The following KMT2C variants were observed in gnomAD, a reference collection of about 807,000 sequenced individuals.
The protein encoded by KMT2C is lysine methyltransferase 2C, also known as histone-lysine N-methyltransferase 2C.
In KMT2C, 88 loss-of-function variants were observed where a neutral mutation model predicts 507.9. The observed-to-expected ratio is 0.17, with a 90% CI of 0.15 to 0.21. The LOEUF (loss-of-function observed/expected upper bound fraction) is 0.21. Among genes scored for constraint, KMT2C ranks in the 10% least tolerant of loss-of-function variants. The pLI, the probability that KMT2C is intolerant of heterozygous loss-of-function variation, is 1.00. For missense variants in KMT2C, 4,954 were observed against 5,957.8 expected, an observed-to-expected ratio of 0.83 and a Z score of 5.55; for synonymous variants, 2,049 against 2,080.8, an observed-to-expected ratio of 0.98 and a Z score of 0.42.
At position 152,176,691 on chromosome 7, in the gene KMT2C, A is replaced by G. The variant is rs2093226121; in HGVS notation, c.8762T>C (p.Leu2921Ser). 1.2e-6 allele frequency: 2 copies of G among 1,614,092 alleles called. No individual in the cohort carries two copies. Among genetic ancestry groups the G allele is most frequent in the African/African-American group, 1.3e-5 (1 of 74,930 alleles). Residue 2921 changes from leucine (L) to serine (S), a missense_variant, in exon 38 of 59, where the codon TTA (leucine) becomes TCA (serine). By Grantham distance (145) the Leu-to-Ser change is moderately radical. This residue lies in a region of KMT2C where 1,689 missense variants were observed against 1,654.3 expected (regional missense o/e 1.02). Transcript: ENST00000262189. ...ATTATCAGATTTCTCATTAGCAAGT[A>G]AACTTGAGAGAACTGGAGTTGATCC... is the stretch of plus-strand genomic sequence containing the variant. ...ITGSTPVLSS[L>S]LANEKSDNSD...
intron 23 of KMT2C, among the ~76,000 whole-genome samples, chr7:152,216,786 T>G (rs2094594781): frequency 6.6e-6 from 1 of 152,214 alleles, no homozygotes; most frequent in Non-Finnish European, 1.5e-5. Context: ...CAAAAGGAAC[T>G]GAATTCACAT....
At chr7:152,207,759 A>G (rs1321857859) in intron 23 of KMT2C, among the ~76,000 whole-genome samples, 1 of 152,164 alleles carries the variant, frequency 6.6e-6, no homozygotes, top group Non-Finnish European at 1.5e-5. Context: ...CTCTCTTCTG[A>G]GCTTCAACCA....
rs2093048267 is a variant in KMT2C, at chr7:152,173,298, T to C, written c.9374+833A>G. 3.3e-5 allele frequency among the ~76,000 whole-genome samples: 5 copies of C among 152,250 alleles called. No individual in the cohort carries two copies. In the South Asian group the frequency reaches 1.0e-3, roughly 32 times the overall value. ...ATCATCCACATTTTTTATATAAAAG[T>C]TTTTCAACAAGATAACTAGACTAAA... On this transcript the variant is annotated intron_variant, in intron 39 of 58. Coordinates refer to ENST00000262189, the MANE Select transcript of KMT2C (RefSeq NM_170606.3).
chr7:152,184,744 T>C (rs933197328), intron 34 of KMT2C, among the ~76,000 whole-genome samples: 1 of 152,190 alleles, frequency 6.6e-6, no homozygotes, highest in African/African-American at 2.4e-5. Context: ...TATTTGCATA[T>C]AACCTACACA....
At chr7:152,339,650 C>A (rs1160224508) in intron 2 of KMT2C, among the ~76,000 whole-genome samples, 1 of 152,000 alleles carries the variant, frequency 6.6e-6, no homozygotes, top group Non-Finnish European at 1.5e-5. Context: ...GGGACTATGG[C>A]ACTGAAAAAG....
At chr7:152,270,872 G>A (rs528796661) in intron 7 of KMT2C, among the ~76,000 whole-genome samples, 2 of 152,246 alleles carry the variant, frequency 1.3e-5, no homozygotes, top group Admixed American at 6.5e-5. Context: ...CTTCTTCACA[G>A]ATACTCTCTT....
intron 3 of KMT2C, among the ~76,000 whole-genome samples, chr7:152,329,642 A>AGGAAGGAGGGAGAAG (rs1310033626): frequency 7.2e-6 from 1 of 138,180 alleles, no homozygotes. Context: ...AAACGAAGGG[A>AGGAAGGAGGGAGAAG]GGAAGGAGGG....
At chr7:152,368,537 A>G (rs1589506132) in intron 1 of KMT2C, 2 of 1,364,610 alleles carry the variant, frequency 1.5e-6, no homozygotes, top group East Asian at 4.8e-5. Context: ...CAGCACAAAG[A>G]ATTAGAGGAA....
At chr7:152,313,029 T>C (rs1190486012) in intron 4 of KMT2C, among the ~76,000 whole-genome samples, 1 of 152,140 alleles carries the variant, frequency 6.6e-6, no homozygotes, top group Non-Finnish European at 1.5e-5. Context: ...CATTTAAATA[T>C]CAAACCATAT....
At chr7:152,345,097 T>C (rs556835328) in intron 2 of KMT2C, among the ~76,000 whole-genome samples, 9 of 151,362 alleles carry the variant, frequency 5.9e-5, no homozygotes, top group Admixed American at 2.6e-4. Context: ...AGTTAACAGA[T>C]ATGGTAGATA....
At chr7:152,145,718 A>T (rs10236914) in intron 53 of KMT2C, among the ~76,000 whole-genome samples, 1 of 152,224 alleles carries the variant, frequency 6.6e-6, no homozygotes, top group Non-Finnish European at 1.5e-5. Context: ...AAAAACAGTT[A>T]AAAAATCATC....
intron 1 of KMT2C, among the ~76,000 whole-genome samples, chr7:152,392,397 C>G (rs1033348718): frequency 6.6e-6 from 1 of 152,182 alleles, no homozygotes; most frequent in Non-Finnish European, 1.5e-5. Context: ...AATATATCCT[C>G]TATGCTGTTT....
chr7:152,159,821 G>C (rs749694526), intron 43 of KMT2C, among the ~76,000 whole-genome samples: 8 of 152,298 alleles, frequency 5.3e-5, no homozygotes, highest in South Asian at 2.1e-4. Flanking sequence ...AAATTTAACA[G>C]CAGTACTCTG....
Position 152,187,389 on chromosome 7 carries a change from G to A in KMT2C, c.4881C>T (p.Asp1627=), listed in dbSNP as rs2093658248. The part of the protein sequence containing the change: ...SSAPTVEGEN[D]TMSNAQRSTL... ...TGCTTCTCTGGGCATTCGACATTGT[G>A]TCATTTTCTCCTTCCACAGTGGGAG... The change falls in exon 33 of 59, where the codon GAC becomes GAT. Residue 1627 remains aspartate (D), a synonymous_variant. Coordinates refer to ENST00000262189, the MANE Select transcript of KMT2C (RefSeq NM_170606.3). 1 of 1,614,066 alleles carries A rather than the reference G, an allele frequency of 6.2e-7. No homozygotes were observed. The highest frequency in any genetic ancestry group is 8.5e-7 in the Non-Finnish European group (1 of 1,179,962).
chr7:152,382,692 A>G (rs1310189009), intron 1 of KMT2C, among the ~76,000 whole-genome samples: 1 of 151,976 alleles, frequency 6.6e-6, no homozygotes, highest in Non-Finnish European at 1.5e-5. Context: ...GTAAATATAT[A>G]CACTCATATA....
intron 51 of KMT2C, 133 bp from the exon 52 acceptor site, chr7:152,149,285 G>C: frequency 2.7e-6 from 2 of 753,054 alleles, no homozygotes; most frequent in Non-Finnish European, 3.8e-6. Context: ...AGAGTCAGCA[G>C]TAAGTGCTGG....
chr7:152,295,488 T>C (rs967514691), intron 6 of KMT2C, among the ~76,000 whole-genome samples: 1 of 152,226 alleles, frequency 6.6e-6, no homozygotes, highest in Non-Finnish European at 1.5e-5. Context: ...AGAATCCCTA[T>C]GTTAATCTAC....
intron 2 of KMT2C, among the ~76,000 whole-genome samples, chr7:152,340,481 C>T (rs1214836228): frequency 6.6e-6 from 1 of 152,106 alleles, no homozygotes; most frequent in Non-Finnish European, 1.5e-5. Flanking sequence ...CTCATTGAAT[C>T]TAGTGTATCC....
intron 1 of KMT2C, among the ~76,000 whole-genome samples, chr7:152,364,629 A>AAAAAAAAAAAAAAAAAAAAAAG (rs1554679999): frequency 6.8e-6 from 1 of 147,654 alleles, no homozygotes; most frequent in African/African-American, 2.6e-5. Flanking sequence ...AAGAAAAGAA[A>AAAAAAAAAAAAAAAAAAAAAAG]AAAAGAAAAA....
Sources: allele counts gnomAD v4.1 joint callset (sites outside exome capture counted in the v4.1 genomes callset), GRCh38; gene constraint gnomAD v4.1.1; regional missense constraint gnomAD v4.1.1; transcripts MANE v1.5; gene names NCBI Gene and HGNC (gene_info 2026-07-23, HGNC 2026-07-21).